The following DRC5 variants were observed in gnomAD, a reference collection of about 807,000 sequenced individuals.
DRC5 encodes T-complex-associated testis-expressed protein 1.
the DRC5 span, chr6:44,286,600 G>T: frequency 7.0e-7 from 1 of 1,431,690 alleles, no homozygotes; most frequent in Non-Finnish European, 9.5e-7. Flanking sequence ...GATGCCTCAG[G>T]CTGGGCCTGC....
chr6:44,289,062 T>G, the DRC5 span, among the ~76,000 whole-genome samples: 3 of 88,418 alleles, frequency 3.4e-5, no homozygotes, highest in African/African-American at 7.0e-5. Context: ...TTTTTTTTTT[T>G]GTCTTGCTCT....
chr6:44,291,032 C>T, the DRC5 span, among the ~76,000 whole-genome samples: 4 of 152,206 alleles, frequency 2.6e-5, no homozygotes, highest in Non-Finnish European at 5.9e-5. Flanking sequence ...ACAGCAGGAC[C>T]CATCGGGGCA....
At chr6:44,287,988 G>T in the DRC5 span, 1 of 817,632 alleles carries the variant, frequency 1.2e-6, no homozygotes, top group Non-Finnish European at 1.9e-6. Flanking sequence ...AAGAGAGGTG[G>T]TACAGAATAG....
chr6:44,285,976 G>A, the DRC5 span: 3 of 1,613,224 alleles, frequency 1.9e-6, no homozygotes, highest in Admixed American at 5.0e-5. Flanking sequence ...TGAGGGTGTG[G>A]CATGCCTTGA....
chr6:44,292,927 C>G, the DRC5 span, among the ~76,000 whole-genome samples: 15 of 152,154 alleles, frequency 9.9e-5, no homozygotes, highest in Non-Finnish European at 1.6e-4. Context: ...TTTGGCAGTG[C>G]CTTCAGCTCT....
At chr6:44,294,175 T>C in the DRC5 span, among the ~76,000 whole-genome samples, 2 of 151,560 alleles carry the variant, frequency 1.3e-5, no homozygotes, top group East Asian at 2.0e-4. Context: ...AGAGACGGGG[T>C]TTCTCCATAT....
At chr6:44,297,142 C>G in the DRC5 span, among the ~76,000 whole-genome samples, 12 of 152,234 alleles carry the variant, frequency 7.9e-5, no homozygotes, top group Admixed American at 7.2e-4. Context: ...AGTCCCTCCC[C>G]CATCCTACCT....
At chr6:44,291,250 T>A in the DRC5 span, among the ~76,000 whole-genome samples, 1 of 152,250 alleles carries the variant, frequency 6.6e-6, no homozygotes, top group Non-Finnish European at 1.5e-5. Flanking sequence ...AATTTTCAGT[T>A]AATCATCTCT....
chr6:44,279,593 C>G, the DRC5 span: 1 of 152,354 alleles, frequency 6.6e-6, no homozygotes, highest in Non-Finnish European at 1.5e-5. Context: ...CTGGTGTCAG[C>G]TCATTGTCCC....
the DRC5 span, chr6:44,282,660 G>A: frequency 5.7e-6 from 6 of 1,055,288 alleles, no homozygotes; most frequent in Non-Finnish European, 8.2e-6. Context: ...TTGGCCACCT[G>A]GCTGGGTCTT....
At chr6:44,291,916 C>T in the DRC5 span, among the ~76,000 whole-genome samples, 1 of 151,868 alleles carries the variant, frequency 6.6e-6, no homozygotes, top group African/African-American at 2.4e-5. Flanking sequence ...TCCCGCCCCA[C>T]CCCACCATCT....
At chr6:44,282,522 T>C in the DRC5 span, 1 of 1,600,864 alleles carries the variant, frequency 6.2e-7, no homozygotes, top group South Asian at 1.1e-5. Context: ...GATGCGTGCC[T>C]TGTCATCATC....
At chr6:44,285,588 C>T in the DRC5 span, among the ~76,000 whole-genome samples, 1 of 152,192 alleles carries the variant, frequency 6.6e-6, no homozygotes, top group Non-Finnish European at 1.5e-5. Flanking sequence ...TTTCTATTTG[C>T]TACATCTGGC....
the DRC5 span, chr6:44,285,981 C>T: frequency 6.2e-6 from 10 of 1,613,446 alleles, no homozygotes; most frequent in Non-Finnish European, 8.5e-6. Context: ...GTGTGGCATG[C>T]CTTGATGGCG....
chr6:44,282,281 C>T, the DRC5 span: 1 of 1,614,214 alleles, frequency 6.2e-7, no homozygotes, highest in East Asian at 2.2e-5. Flanking sequence ...CACCCTCATC[C>T]TCGATGCAGT....
chr6:44,297,061 G>C, the DRC5 span, among the ~76,000 whole-genome samples: 1 of 9,094 alleles, frequency 1.1e-4, no homozygotes. Context: ...AGCGGCTCTG[G>C]AGTCTCCCAC....
At chr6:44,293,485 C>T in the DRC5 span, among the ~76,000 whole-genome samples, 11 of 152,066 alleles carry the variant, frequency 7.2e-5, no homozygotes, top group African/African-American at 2.7e-4. Context: ...ACTCTTCAAC[C>T]ACCCTATAAT....
chr6:44,286,772 C>T, the DRC5 span, among the ~76,000 whole-genome samples: 1 of 152,234 alleles, frequency 6.6e-6, no homozygotes, highest in East Asian at 1.9e-4. Context: ...AGTTCCCAGA[C>T]TGAGGAAGAC....
chr6:44,285,591 C>A, the DRC5 span, among the ~76,000 whole-genome samples: 136,228 of 152,218 alleles, frequency 0.89, 61,969 homozygotes, highest in East Asian at 1. Context: ...CTATTTGCTA[C>A]ATCTGGCAAC....
Sources: gnomAD v4.1 joint callset for allele counts (sites outside exome capture counted in the v4.1 genomes callset) on GRCh38, gnomAD v4.1.1 for gene constraint, MANE v1.5 for transcripts, NCBI Gene and HGNC (gene_info 2026-07-23, HGNC 2026-07-21) for gene names.